The following CRACD variants were observed in gnomAD, a reference collection of about 807,000 sequenced individuals.
CRACD encodes capping protein-inhibiting regulator of actin dynamics.
Under a neutral mutation model 106.8 loss-of-function variants are expected in CRACD, and 56 were observed. The ratio of observed to expected loss-of-function variants is 0.52; its 90% CI spans 0.42 to 0.66. CRACD has a LOEUF of 0.66. CRACD is among the 30% of genes least tolerant of loss of function. The pLI, the probability that CRACD is intolerant of heterozygous loss-of-function variation, is 0.00. For missense variants in CRACD, 1,730 were observed against 1,623.2 expected (o/e 1.07, Z -1.13); for synonymous variants, 754 against 670.8 (o/e 1.12, Z -1.92).
intron 10 of CRACD, among the ~76,000 whole-genome samples, chr4:56,325,623 A>G (rs1256230899): frequency 6.6e-6 from 1 of 152,260 alleles, no homozygotes; most frequent in Non-Finnish European, 1.5e-5. Flanking sequence ...CATTTAGAAA[A>G]TATTCTTTAT....
At chr4:56,276,557 G>T in intron 3 of CRACD, among the ~76,000 whole-genome samples, 1 of 152,132 alleles carries the variant, frequency 6.6e-6, no homozygotes, top group Admixed American at 6.5e-5. Context: ...ATTTAAGATT[G>T]ATATTATTAT....
chr4:56,165,036 G>A (rs1355130495), intron 1 of CRACD, among the ~76,000 whole-genome samples: 1 of 152,160 alleles, frequency 6.6e-6, no homozygotes, highest in Non-Finnish European at 1.5e-5. Flanking sequence ...GACCCAGATG[G>A]CAGTTTCTGG....
intron 2 of CRACD, among the ~76,000 whole-genome samples, chr4:56,182,438 A>T (rs1736869857): frequency 6.6e-6 from 1 of 151,596 alleles, no homozygotes; most frequent in Non-Finnish European, 1.5e-5. Context: ...AGAAACAAAA[A>T]AAAAAAACCA....
chr4:56,148,462 AT>A (rs1022847473), intron 1 of CRACD, among the ~76,000 whole-genome samples: 5 of 151,712 alleles, frequency 3.3e-5, no homozygotes, highest in African/African-American at 1.2e-4. Context: ...GGCTAATTTT[AT>A]TTTTAATTTT....
intron 1 of CRACD, among the ~76,000 whole-genome samples, chr4:56,168,118 AG>A: frequency 6.6e-6 from 1 of 152,270 alleles, no homozygotes; most frequent in East Asian, 1.9e-4. Context: ...AGAAGTAGAG[AG>A]TATAGACAAT....
At chr4:56,228,294 A>T (rs1055477453) in intron 2 of CRACD, among the ~76,000 whole-genome samples, 9 of 152,162 alleles carry the variant, frequency 5.9e-5, no homozygotes, top group African/African-American at 2.2e-4. Flanking sequence ...ATGAGAAAAA[A>T]ATTTGGTCTT....
At chr4:56,258,166 A>G (rs543197681) in intron 2 of CRACD, among the ~76,000 whole-genome samples, 5 of 152,266 alleles carry the variant, frequency 3.3e-5, no homozygotes, top group African/African-American at 1.2e-4. Context: ...CTTGGCCTCT[A>G]CAACTCCTTA....
chr4:56,155,489 A>G (rs558372831), intron 1 of CRACD, among the ~76,000 whole-genome samples: 1 of 152,318 alleles, frequency 6.6e-6, no homozygotes, highest in East Asian at 1.9e-4. Flanking sequence ...AATACAAAAC[A>G]TTGCATTGGC....
At chr4:56,316,758 C>G in intron 8 of CRACD, 69 bp downstream of exon 8, 1 of 1,354,234 alleles carries the variant, frequency 7.4e-7, no homozygotes, top group Non-Finnish European at 9.7e-7. Context: ...AGAAGAGATC[C>G]ACACGCAGGT....
chr4:56,253,770 T>C (rs923116626), intron 2 of CRACD, among the ~76,000 whole-genome samples: 11 of 152,226 alleles, frequency 7.2e-5, no homozygotes, highest in Admixed American at 2.6e-4. Context: ...CCTGTGGCTG[T>C]CTTTGAGGAC....
At chr4:56,169,745 G>C (rs905773914) in intron 1 of CRACD, among the ~76,000 whole-genome samples, 1 of 152,092 alleles carries the variant, frequency 6.6e-6, no homozygotes, top group African/African-American at 2.4e-5. Context: ...CCATTCACCT[G>C]CCTTGGCGTC....
chr4:56,299,232 G>A (rs766594398), intron 4 of CRACD, among the ~76,000 whole-genome samples: 5 of 152,022 alleles, frequency 3.3e-5, no homozygotes, highest in Non-Finnish European at 4.4e-5. Context: ...AAATCTACTC[G>A]GGTGGTACCT....
intron 10 of CRACD, among the ~76,000 whole-genome samples, 198 bp from the exon 11 acceptor site, chr4:56,327,446 T>A (rs1211939868): frequency 1.3e-5 from 2 of 152,296 alleles, no homozygotes; most frequent in Non-Finnish European, 2.9e-5. Context: ...ACCATAAAAA[T>A]GATAACTGTG....
intron 1 of CRACD, among the ~76,000 whole-genome samples, chr4:56,119,395 A>G (rs1323209185): frequency 2.0e-5 from 3 of 151,550 alleles, no homozygotes; most frequent in Admixed American, 6.6e-5. Context: ...CAGTGGCGCC[A>G]TCATGGCTCA....
chr4:56,078,370 T>G (rs1340160553), intron 1 of CRACD, among the ~76,000 whole-genome samples: 1 of 152,152 alleles, frequency 6.6e-6, no homozygotes, highest in Non-Finnish European at 1.5e-5. Flanking sequence ...TTACTAGGTT[T>G]TAAGGAAAAA....
chr4:56,271,839 G>A (rs939698936), intron 2 of CRACD, among the ~76,000 whole-genome samples: 1 of 152,112 alleles, frequency 6.6e-6, no homozygotes, highest in Admixed American at 6.5e-5. Context: ...CAACTTCCCA[G>A]GCTCAATCAA....
At chr4:56,118,427 G>A (rs377629514) in intron 1 of CRACD, among the ~76,000 whole-genome samples, 4 of 152,210 alleles carry the variant, frequency 2.6e-5, no homozygotes, top group East Asian at 3.8e-4. Flanking sequence ...AGAAGGAACA[G>A]ACTGACATAC....
chr4:56,179,540 A>C (rs1736722743), intron 2 of CRACD, 110 bp downstream of exon 2: 1 of 152,174 alleles, frequency 6.6e-6, no homozygotes, highest in African/African-American at 2.4e-5. Flanking sequence ...ATTTCACTGA[A>C]TATCAGGACA....
At chr4:56,305,022 C>T (rs901282928) in intron 4 of CRACD, among the ~76,000 whole-genome samples, 9 of 151,906 alleles carry the variant, frequency 5.9e-5, no homozygotes, top group African/African-American at 1.7e-4. Flanking sequence ...GAGTTTGAGA[C>T]GAGCCTGGGC....
Sources: allele counts gnomAD v4.1 joint callset (sites outside exome capture counted in the v4.1 genomes callset), GRCh38; gene constraint gnomAD v4.1.1; transcripts MANE v1.5; gene names NCBI Gene and HGNC (gene_info 2026-07-23, HGNC 2026-07-21).